ITGA5: variants seen among roughly 807,000 people sequenced by gnomAD.
ITGA5 encodes the protein integrin subunit alpha 5, also known as integrin alpha-5.
ITGA5 carries 55 observed loss-of-function variants against 146.3 expected under a neutral mutation model. The observed-to-expected ratio is 0.38, with a 90% CI of 0.30 to 0.47. The LOEUF (loss-of-function observed/expected upper bound fraction) is 0.47, where lower values mean the gene tolerates loss of function less well. Among genes scored for constraint, ITGA5 ranks in the 20% least tolerant of loss-of-function variants. The pLI is 0.99. For missense variants in ITGA5, 1,131 were observed against 1,329.0 expected, an observed-to-expected ratio of 0.85 and a Z score of 2.32; for synonymous variants, 500 against 531.8, an observed-to-expected ratio of 0.94 and a Z score of 0.82.
At chr12:54,417,973 G>A (rs1216192347) in intron 1 of ITGA5, among the ~76,000 whole-genome samples, 1 of 152,098 alleles carries the variant, frequency 6.6e-6, no homozygotes, top group African/African-American at 2.4e-5. Flanking sequence ...TAGGCACTCG[G>A]GGTCCGGGTC....
Position 54,404,125 on chromosome 12 carries a change from T to C in ITGA5, c.1565+20A>G. ...CACTCCCAGGCTCAGGTCTCTGCAA[T>C]TTCCTGGGCACCAGCTCACCAGGCC... On this transcript the variant is annotated intron_variant, in intron 15 of 29. Coordinates refer to ENST00000293379, the MANE Select transcript of ITGA5 (RefSeq NM_002205.5). The C allele has an allele frequency of 6.4e-7, 1 of 1,572,926 alleles. No homozygotes were observed. The highest frequency in any genetic ancestry group is 8.6e-7 in the Non-Finnish European group (1 of 1,157,034).
chr12:54,405,191 C>T lies in ITGA5; in HGVS notation c.1200G>A (p.Gly400=). The T allele has an allele frequency of 6.2e-7, 1 of 1,608,546 alleles. No homozygotes were observed. Among genetic ancestry groups the T allele is most frequent in the African/African-American group, 1.3e-5 (1 of 74,980 alleles). ...CATTGTAGCCATCCTGGTCCAGGTCCCCCAGGGGGGTCAAGGAGCTGCCAA... is the reference window on the plus strand; with the variant it reads ...CATTGTAGCCATCCTGGTCCAGGTCTCCCAGGGGGGTCAAGGAGCTGCCAA... The part of the protein sequence containing the change: ...GRFGSSLTPL[G]DLDQDGYNDV... The change falls in exon 12 of 30, where the codon GGG becomes GGA. Residue 400 remains glycine, a synonymous_variant. Coordinates refer to ENST00000293379, the MANE Select transcript of ITGA5 (RefSeq NM_002205.5).
rs753370075 is a variant in ITGA5, at chr12:54,403,721, T to C, written c.1680A>G (p.Ala560=). 6.2e-7 allele frequency: 1 copy of C among 1,614,006 alleles called. No homozygotes were observed. Among genetic ancestry groups the C allele is most frequent in the South Asian group, 1.1e-5 (1 of 91,074 alleles). Residue 560 remains alanine, a synonymous_variant, in exon 17 of 30, where the codon GCA becomes GCG. Transcript: ENST00000293379. The surrounding 1 kb of genome is among the most constrained non-coding windows in gnomAD (Gnocchi z 4.9). The part of the protein sequence containing the change: ...WQKQKGGVRR[A]LFLASRQATL... ...TTGCCTGCCTGGAGGCCAGGAACAG[T>C]GCCCGCCGTACCCCTCCCTTCTGCT...
At chr12:54,397,969 C>A (rs1348483969) in intron 28 of ITGA5, among the ~76,000 whole-genome samples, 6 of 151,276 alleles carry the variant, frequency 4.0e-5, no homozygotes, top group Non-Finnish European at 8.8e-5. Context: ...GTGATCTCAG[C>A]TTACTACAAC....
rs189630357 is a variant in ITGA5, at chr12:54,403,797, T to A, written c.1622-18A>T. On this transcript the variant is annotated intron_variant, in intron 16 of 29. Transcript: ENST00000293379. The surrounding 1 kb of genome is among the most constrained non-coding windows in gnomAD (Gnocchi z 4.9). ...TGTGAAACCTGAAGCCAGGGACATATAAAGGGAAACTGCCTGTCTTTCCTC... is the reference window on the plus strand; with the variant it reads ...TGTGAAACCTGAAGCCAGGGACATAAAAAGGGAAACTGCCTGTCTTTCCTC... 732 of 1,612,986 alleles carry A rather than the reference T, an allele frequency of 4.5e-4. 4 individuals are homozygous for A. The African/African-American group carries it at 8.6e-3, about 19-fold the overall frequency.
At chr12:54,410,248 T>C (rs1955925337) in intron 2 of ITGA5, among the ~76,000 whole-genome samples, 1 of 152,072 alleles carries the variant, frequency 6.6e-6, no homozygotes, top group South Asian at 2.1e-4. Flanking sequence ...GGCAGGAGGA[T>C]GGTGGGGAAC....
chr12:54,401,037 T>C lies in ITGA5; in HGVS notation c.2494-42A>G. The C allele has an allele frequency of 6.3e-7, 1 of 1,592,132 alleles. No homozygotes were observed. On this transcript the variant is annotated intron_variant, in intron 24 of 29. Transcript: ENST00000293379. The surrounding 1 kb of genome is among the most constrained non-coding windows in gnomAD (Gnocchi z 5.0). ...ACAATCATCATGAGAAGGAAGGGAATGCTTCTGCCCCATTGAGACCCTGGA... is the reference window on the plus strand; with the variant it reads ...ACAATCATCATGAGAAGGAAGGGAACGCTTCTGCCCCATTGAGACCCTGGA...
intron 28 of ITGA5, 40 bp from the exon 29 acceptor site, chr12:54,397,527 G>A: frequency 6.2e-7 from 1 of 1,611,672 alleles, no homozygotes; most frequent in Non-Finnish European, 8.5e-7. Context: ...AAGCTCAGAA[G>A]TTCTTTCTAC....
At position 54,416,402 on chromosome 12, in the gene ITGA5, A is replaced by G. The variant is rs1459922403; in HGVS notation, c.218+2579T>C. Among the ~76,000 whole-genome samples the G allele has an allele frequency of 1.3e-5, 2 of 152,226 alleles. No individual in the cohort carries two copies. The highest frequency in any genetic ancestry group is 2.9e-5 in the Non-Finnish European group (2 of 68,030). ...GTTTTTGTATATCTAAAAATGGGGC[A>G]ATAATGCTTCCTTTGCTTTAACACA... On this transcript the variant is annotated intron_variant, in intron 1 of 29. Coordinates refer to ENST00000293379, the MANE Select transcript of ITGA5 (RefSeq NM_002205.5). The surrounding 1 kb of genome is among the most constrained non-coding windows in gnomAD (Gnocchi z 4.1).
intron 2 of ITGA5, among the ~76,000 whole-genome samples, 154 bp downstream of exon 2, chr12:54,411,680 T>C (rs1289561827): frequency 4.6e-5 from 7 of 152,092 alleles, no homozygotes; most frequent in Non-Finnish European, 1.0e-4. Context: ...GCCATGGGGA[T>C]CCACTGTAAG....
In ITGA5 at chr12:54,403,631, G is replaced by A. The variant is rs903266434; in HGVS notation, c.1770C>T (p.Tyr590=). The A allele has an allele frequency of 8.1e-6, 13 of 1,613,740 alleles. No homozygotes were observed. The Middle Eastern group carries it at 4.9e-4, about 61-fold the overall frequency. ...AREDCREMKI[Y]LRNESEFRDK... Reference sequence around the variant, plus strand: ...CCCGCCCTCTGGGCCATACCCTGAGGTAGATCTTCATCTCTCTGCAATCCT... The same window carrying A: ...CCCGCCCTCTGGGCCATACCCTGAGATAGATCTTCATCTCTCTGCAATCCT... Residue 590 remains tyrosine, a synonymous_variant, in exon 17 of 30, where the codon TAC becomes TAT. Coordinates refer to ENST00000293379, the MANE Select transcript of ITGA5 (RefSeq NM_002205.5). The surrounding 1 kb of genome is among the most constrained non-coding windows in gnomAD (Gnocchi z 4.9).
At chr12:54,418,864 A>G in intron 1 of ITGA5, 117 bp downstream of exon 1, 3 of 1,233,584 alleles carry the variant, frequency 2.4e-6, no homozygotes, top group Non-Finnish European at 3.4e-6. Context: ...CTGCAGCTCT[A>G]TTCCTTACAA....
At chr12:54,408,709 CAAAAA>C (rs762766669) in intron 6 of ITGA5, 42 bp downstream of exon 6, 1,664 of 1,189,968 alleles carry the variant, frequency 1.4e-3, no homozygotes, top group Non-Finnish European at 1.5e-3. Context: ...GACTTCGTCT[CAAAAA>C]AAAAAAAAAA....
Position 54,416,074 on chromosome 12 carries a change from G to GT in ITGA5, c.218+2906dup, listed in dbSNP as rs1357478295. Among the ~76,000 whole-genome samples, 7 of 152,018 alleles carry GT rather than the reference G, an allele frequency of 4.6e-5. No homozygotes were observed. Among genetic ancestry groups the GT allele is most frequent in the Non-Finnish European group, 8.8e-5 (6 of 67,990 alleles). ...TTTTATTTTTTGTTTGTTTGTTGTT[G>GT]TTTTTTTGAGATGGAGTCTCACTCT... On this transcript the variant is annotated intron_variant, in intron 1 of 29. Transcript: ENST00000293379. The surrounding 1 kb of genome is among the most constrained non-coding windows in gnomAD (Gnocchi z 4.1).
At chr12:54,412,263 A>G in intron 1 of ITGA5, 1 of 252,844 alleles carries the variant, frequency 4.0e-6, no homozygotes, top group Non-Finnish European at 7.6e-6. Flanking sequence ...TAGAAGGGGA[A>G]GAGGGGCCAG....
rs763349447 is a variant in ITGA5, at chr12:54,416,078, T to C, written c.218+2903A>G. ...ATTTTTTGTTTGTTTGTTGTTGTTT[T>C]TTTGAGATGGAGTCTCACTCTGTCG... On this transcript the variant is annotated intron_variant, in intron 1 of 29. Transcript: ENST00000293379. The surrounding 1 kb of genome is among the most constrained non-coding windows in gnomAD (Gnocchi z 4.1). Among the ~76,000 whole-genome samples the C allele has an allele frequency of 2.4e-4, 37 of 152,238 alleles. No individual in the cohort carries two copies. The highest frequency in any genetic ancestry group is 4.6e-4 in the Non-Finnish European group (31 of 68,048).
intron 2 of ITGA5, among the ~76,000 whole-genome samples, chr12:54,410,398 T>A (rs991512289): frequency 2.7e-5 from 4 of 147,178 alleles, no homozygotes; most frequent in Admixed American, 2.1e-4. Context: ...CAGGCTGGAG[T>A]GCAGTGGCGT....
chr12:54,404,327 A>G, intron 14 of ITGA5, 81 bp from the exon 15 acceptor site: 1 of 1,565,248 alleles, frequency 6.4e-7, no homozygotes. Flanking sequence ...CAAGCGCCAG[A>G]ATGTGTGTCC....
In ITGA5 at chr12:54,400,896, T is replaced by G; in HGVS notation, c.2593A>C (p.Thr865Pro). 6.2e-7 allele frequency: 1 copy of G among 1,614,080 alleles called. No homozygotes were observed. Among genetic ancestry groups the G allele is most frequent in the Non-Finnish European group, 8.5e-7 (1 of 1,179,984 alleles). ...GQQLLYVTRV[T>P]GLNCTTNHPI... ...TGATTGGTGGTGCAGTTGAGTCCCG[T>G]AACTCTGGTCACATATAGGAGCTGC... The change falls in exon 25 of 30, where the codon ACG becomes CCG. Residue 865 changes from threonine (T) to proline (P), a missense_variant. By Grantham distance (38) the Thr-to-Pro change is conservative (BLOSUM62 -1). Around this residue, in one of 3 missense-constraint regions of ITGA5, gnomAD observed 889 missense variants for 1,021.5 expected, o/e 0.87. Coordinates refer to ENST00000293379, the MANE Select transcript of ITGA5 (RefSeq NM_002205.5).
Sources: allele counts gnomAD v4.1 joint callset (sites outside exome capture counted in the v4.1 genomes callset), GRCh38; gene constraint gnomAD v4.1.1; regional missense constraint gnomAD v4.1.1; non-coding constraint Gnocchi (gnomAD v3.1); transcripts MANE v1.5; gene names NCBI Gene and HGNC (gene_info 2026-07-23, HGNC 2026-07-21).